Variants in TENM3 observed in about 807,000 individuals in gnomAD.
TENM3 encodes teneurin-3.
In TENM3, 63 loss-of-function variants were observed where a neutral mutation model predicts 255.1. The observed-to-expected ratio is 0.25, with a 90% CI of 0.20 to 0.30. TENM3 has a LOEUF of 0.30. Among genes scored for constraint, TENM3 ranks in the 10% least tolerant of loss-of-function variants. TENM3 has a pLI of 1.00. For missense variants in TENM3, 2,929 were observed against 3,461.1 expected (o/e 0.85, Z 3.86); for synonymous variants, 1,306 against 1,322.3 (o/e 0.99, Z 0.27).
At chr4:182,058,845 G>C in the TENM3 span, among the ~76,000 whole-genome samples, 1 of 151,904 alleles carries the variant, frequency 6.6e-6, no homozygotes, top group Non-Finnish European at 1.5e-5. Flanking sequence ...ATTAGTTAAG[G>C]TGCTCTGGAG....
chr4:181,923,690 G>T, the TENM3 span, among the ~76,000 whole-genome samples: 63 of 152,136 alleles, frequency 4.1e-4, 1 homozygote, highest in Non-Finnish European at 9.0e-4. Context: ...ATAAAGACAG[G>T]AAAGGCAACA....
At chr4:181,754,722 A>G in the TENM3 span, among the ~76,000 whole-genome samples, 2 of 152,316 alleles carry the variant, frequency 1.3e-5, no homozygotes, top group African/African-American at 4.8e-5. Context: ...AGGGCCTTGG[A>G]TAGCAGGCAA....
intron 2 of TENM3, among the ~76,000 whole-genome samples, chr4:182,338,750 T>C (rs1218924259): frequency 6.6e-6 from 1 of 152,182 alleles, no homozygotes; most frequent in African/African-American, 2.4e-5. Context: ...TAAATTATTT[T>C]TGTTACTCTT....
the TENM3 span, among the ~76,000 whole-genome samples, chr4:182,089,309 GT>G: frequency 6.6e-6 from 1 of 152,156 alleles, no homozygotes; most frequent in Non-Finnish European, 1.5e-5. Flanking sequence ...CTATGGAGTT[GT>G]GCCAAAAGTC....
intron 3 of TENM3, among the ~76,000 whole-genome samples, chr4:182,559,429 T>C (rs894056908): frequency 6.6e-6 from 1 of 152,132 alleles, no homozygotes; most frequent in African/African-American, 2.4e-5. Flanking sequence ...TTAATTACAA[T>C]GAAATAGTAA....
At chr4:182,788,713 T>A (rs1484498209) in intron 24 of TENM3, among the ~76,000 whole-genome samples, 1 of 152,240 alleles carries the variant, frequency 6.6e-6, no homozygotes, top group East Asian at 1.9e-4. Flanking sequence ...AATGTAGCCA[T>A]GATTAATTTA....
intron 5 of TENM3, 133 bp from the exon 6 acceptor site, chr4:182,653,638 C>A (rs545223644): frequency 1.1e-6 from 1 of 947,352 alleles, no homozygotes; most frequent in Non-Finnish European, 1.5e-6. Flanking sequence ...ATTTTCATTG[C>A]GCAGTTATCC....
At chr4:181,558,114 ACTATTGAGAAAGTTCAG>A in the TENM3 span, among the ~76,000 whole-genome samples, 1 of 152,206 alleles carries the variant, frequency 6.6e-6, no homozygotes, top group Non-Finnish European at 1.5e-5. Context: ...ATGCCTGAGT[ACTATTGAGAAAGTTCAG>A]CTATTGAAAG....
the TENM3 span, among the ~76,000 whole-genome samples, chr4:181,520,858 T>A: frequency 3.0e-3 from 464 of 152,330 alleles, 1 homozygote; most frequent in Admixed American, 5.5e-3. Flanking sequence ...CTGCATGTTT[T>A]ACCTGAATTA....
At chr4:181,599,866 A>G in the TENM3 span, among the ~76,000 whole-genome samples, 1 of 152,176 alleles carries the variant, frequency 6.6e-6, no homozygotes, top group Non-Finnish European at 1.5e-5. Context: ...ACACAAATTT[A>G]TTAACACTTG....
intron 1 of TENM3, among the ~76,000 whole-genome samples, chr4:182,228,308 G>T (rs1416561108): frequency 6.7e-6 from 1 of 150,280 alleles, no homozygotes; most frequent in East Asian, 1.9e-4. Context: ...CTATCTATAT[G>T]TGTCTCATAA....
intron 3 of TENM3, among the ~76,000 whole-genome samples, chr4:182,368,609 A>G (rs1042533796): frequency 1.3e-5 from 2 of 152,232 alleles, no homozygotes; most frequent in African/African-American, 2.4e-5. Context: ...AGCATAGGCT[A>G]TATAGTGTAG....
At chr4:182,685,824 A>G (rs192939541) in intron 11 of TENM3, among the ~76,000 whole-genome samples, 37 of 152,250 alleles carry the variant, frequency 2.4e-4, no homozygotes, top group African/African-American at 8.4e-4. Context: ...TAAAGTTATT[A>G]TAGTATATTA....
the TENM3 span, among the ~76,000 whole-genome samples, chr4:181,788,695 C>T: frequency 0.012 from 1,838 of 152,242 alleles, 27 homozygotes; most frequent in African/African-American, 0.042. Flanking sequence ...ATCGCTCGAG[C>T]GATCTTCCTG....
chr4:182,493,422 G>A (rs189494399), intron 3 of TENM3, among the ~76,000 whole-genome samples: 10 of 152,260 alleles, frequency 6.6e-5, no homozygotes, highest in Admixed American at 5.2e-4. Context: ...GACCCAGTAC[G>A]TGTGCCAATG....
rs750590970 is a variant in TENM3, at chr4:182,799,676, G to A, written c.7425G>A (p.Val2475=). Residue 2475 remains valine (V), a synonymous_variant, in exon 28 of 28, where the codon GTG becomes GTA. Transcript: ENST00000511685. This position sits in a 1 kb window ranked among gnomAD's most constrained non-coding sequence, Gnocchi z 4.2. ...TGGGGAAGATGGCCGAGGTGCAGGT[G>A]AGCCGGCGCCGGGCCGGCGGCGCGC... ...LSLGKMAEVQ[V]SRRRAGGAQS... is the part of the protein sequence containing the mutation. The A allele has an allele frequency of 1.3e-6, 2 of 1,548,750 alleles. No homozygotes were observed. The highest frequency in any genetic ancestry group is 2.4e-5 in the South Asian group (2 of 84,028).
the TENM3 span, among the ~76,000 whole-genome samples, chr4:181,849,780 A>T: frequency 6.6e-6 from 1 of 152,126 alleles, no homozygotes; most frequent in Non-Finnish European, 1.5e-5. Flanking sequence ...CTGCTGACAG[A>T]CACAAGGATA....
Position 182,730,138 on chromosome 4 carries a change from A to T in TENM3, c.2586-62A>T, listed in dbSNP as rs558453127. 19 of 1,595,580 alleles carry T rather than the reference A, an allele frequency of 1.2e-5. No individual in the cohort carries two copies. In the Admixed American group the frequency reaches 2.7e-4, roughly 23 times the overall value. On this transcript the variant is annotated intron_variant, in intron 14 of 27. Coordinates refer to ENST00000511685, the MANE Select transcript of TENM3 (RefSeq NM_001080477.4). ...TATCCTTAGGTTGAATTATCTATAA[A>T]TCATGATAATGTTGGCCTGAAAAGA...
the TENM3 span, among the ~76,000 whole-genome samples, chr4:182,103,218 G>C: frequency 1.3e-5 from 2 of 152,164 alleles, no homozygotes; most frequent in Admixed American, 1.3e-4. Flanking sequence ...GGACATACAA[G>C]TATGCCTAGT....
Sources: gnomAD v4.1 joint callset for allele counts (sites outside exome capture counted in the v4.1 genomes callset) on GRCh38, gnomAD v4.1.1 for gene constraint, Gnocchi (gnomAD v3.1) non-coding constraint, MANE v1.5 for transcripts, NCBI Gene and HGNC (gene_info 2026-07-23, HGNC 2026-07-21) for gene names.